Variants in LDHC observed in about 807,000 individuals in gnomAD.
LDHC encodes lactate dehydrogenase C.
In LDHC, 20 loss-of-function variants were observed where a neutral mutation model predicts 30.2. The ratio of observed to expected loss-of-function variants is 0.66; its 90% CI spans 0.47 to 0.96. The LOEUF (loss-of-function observed/expected upper bound fraction) is 0.96. Among genes scored for constraint, LDHC ranks in the 40% least tolerant of loss-of-function variants. LDHC has a pLI of 0.00. For synonymous variants in LDHC, 139 were observed against 132.7 expected, an observed-to-expected ratio of 1.05 and a Z score of -0.32; for missense variants, 362 against 394.9, an observed-to-expected ratio of 0.92 and a Z score of 0.71.
At chr11:18,419,440 C>T (rs1035125860) in intron 3 of LDHC, among the ~76,000 whole-genome samples, 1 of 152,150 alleles carries the variant, frequency 6.6e-6, no homozygotes, top group Non-Finnish European at 1.5e-5. Context: ...GGGAATATAC[C>T]TGCTAAGGAT....
chr11:18,444,172 A>G (rs1848511081), intron 6 of LDHC, among the ~76,000 whole-genome samples: 1 of 152,064 alleles, frequency 6.6e-6, no homozygotes, highest in Admixed American at 6.5e-5. Context: ...TATTTCTTCT[A>G]TTTGCTCCCT....
At chr11:18,422,957 G>A (rs917851274) in intron 3 of LDHC, among the ~76,000 whole-genome samples, 3 of 151,444 alleles carry the variant, frequency 2.0e-5, no homozygotes, top group Non-Finnish European at 4.4e-5. Flanking sequence ...ACTCCAGCCT[G>A]GGTGACATGT....
chr11:18,412,988 T>TACC (rs747717222), intron 2 of LDHC, 145 bp downstream of exon 2: 2 of 212,352 alleles, frequency 9.4e-6, no homozygotes, highest in Non-Finnish European at 1.6e-5. Flanking sequence ...CCTCCCTCCC[T>TACC]TCCTTCCTTC....
At chr11:18,428,699 A>T (rs902279474) in intron 3 of LDHC, among the ~76,000 whole-genome samples, 1 of 151,676 alleles carries the variant, frequency 6.6e-6, no homozygotes, top group Non-Finnish European at 1.5e-5. Flanking sequence ...ACATGGTGAA[A>T]CCCCGTCTCT....
chr11:18,412,803 G>T lies in LDHC; in HGVS notation c.86G>T (p.Gly29Val). Residue 29 changes from glycine (G) to valine (V), a missense_variant, in exon 2 of 8, where the codon GGT (glycine) becomes GTT (valine). Transcript: ENST00000541669. ...TGTAAAATTACTATTGTTGGAACTGGTGCCGTAGGCATGGCTTGTGCTATT... is the reference window on the plus strand; with the variant it reads ...TGTAAAATTACTATTGTTGGAACTGTTGCCGTAGGCATGGCTTGTGCTATT... ...SQCKITIVGT[G>V]AVGMACAISI... is the part of the protein sequence containing the mutation. The T allele has an allele frequency of 6.2e-7, 1 of 1,614,034 alleles. No homozygotes were observed. Among genetic ancestry groups the T allele is most frequent in the Non-Finnish European group, 8.5e-7 (1 of 1,179,908 alleles).
At chr11:18,422,259 G>C (rs919228601) in intron 3 of LDHC, among the ~76,000 whole-genome samples, 20 of 89,752 alleles carry the variant, frequency 2.2e-4, no homozygotes, top group Non-Finnish European at 1.9e-4. Context: ...GACAAAGTTA[G>C]TAATCAGAAA....
chr11:18,446,263 C>T lies in LDHC; in HGVS notation c.764C>T (p.Ser255Phe), dbSNP rs1416158656. The change falls in exon 7 of 8, where the codon TCT (serine) becomes TTT (phenylalanine). Residue 255 changes from serine (S) to phenylalanine (F), a missense_variant. By Grantham distance (155) the Ser-to-Phe change is radical (BLOSUM62 -2). Transcript: ENST00000541669. ...KGYTSWAIGL[S>F]VMDLVGSILK... ...TATACCTCTTGGGCTATTGGACTGT[C>T]TGTGATGGATTTGGTAGGATCCATT... 6.3e-7 allele frequency: 1 copy of T among 1,598,898 alleles called. No homozygotes were observed. Among genetic ancestry groups the T allele is most frequent in the Non-Finnish European group, 8.6e-7 (1 of 1,166,460 alleles).
intron 2 of LDHC, among the ~76,000 whole-genome samples, chr11:18,414,733 C>A (rs1866974850): frequency 6.6e-6 from 1 of 152,110 alleles, no homozygotes; most frequent in Non-Finnish European, 1.5e-5. Flanking sequence ...GAGGCTGAAG[C>A]ACGAAAATTG....
intron 5 of LDHC, among the ~76,000 whole-genome samples, chr11:18,438,189 T>C (rs1226249424): frequency 2.0e-5 from 3 of 152,182 alleles, no homozygotes; most frequent in Admixed American, 1.3e-4. Context: ...CTTGCAATCA[T>C]GGCAGAAGGC....
At chr11:18,434,583 G>A (rs557360729) in intron 4 of LDHC, among the ~76,000 whole-genome samples, 157 bp from the exon 5 acceptor site, 7 of 152,226 alleles carry the variant, frequency 4.6e-5, no homozygotes, top group Admixed American at 6.5e-5. Flanking sequence ...AGTGCCAGGG[G>A]ATAACAGGCG....
chr11:18,432,772 G>A (rs1295131338), intron 4 of LDHC, among the ~76,000 whole-genome samples: 1 of 152,154 alleles, frequency 6.6e-6, no homozygotes, highest in Non-Finnish European at 1.5e-5. Context: ...TCTGATATGA[G>A]AGTATCTACC....
In LDHC at chr11:18,434,881, G is replaced by T. The variant is rs1848330896; in HGVS notation, c.560G>T (p.Gly187Val). 6.2e-7 allele frequency: 1 copy of T among 1,613,228 alleles called. No individual in the cohort carries two copies. ...GGTGTCCACCCCACAAGCTGCCATG[G>T]TTGGATTATTGGAGAACATGGTGAT... ...KLGVHPTSCH[G>V]WIIGEHGDSS... is the part of the protein sequence containing the mutation. The change falls in exon 5 of 8, where the codon GGT becomes GTT. Residue 187 changes from glycine to valine, a missense_variant. Physicochemically the swap from Gly to Val is moderately radical, Grantham distance 109. Coordinates refer to ENST00000541669, the MANE Select transcript of LDHC (RefSeq NM_017448.5).
At chr11:18,435,166 CT>C (rs1023021885) in intron 5 of LDHC, among the ~76,000 whole-genome samples, 2 of 151,958 alleles carry the variant, frequency 1.3e-5, no homozygotes, top group African/African-American at 4.8e-5. Flanking sequence ...ATCTGTAATA[CT>C]TTTTTATTTA....
At chr11:18,432,922 T>C (rs1848293806) in intron 4 of LDHC, among the ~76,000 whole-genome samples, 1 of 152,238 alleles carries the variant, frequency 6.6e-6, no homozygotes. Context: ...TCTTTATCTT[T>C]TAAGTGGAGC....
In LDHC at chr11:18,439,823, A is replaced by AC. The variant is rs1447001604; in HGVS notation, c.710+1178_710+1179insC. On this transcript the variant is annotated intron_variant, in intron 6 of 7. Transcript: ENST00000541669. ...AAACCGTCTCTACTAAAAAAAAAAA[A>AC]AAAAAAAAAAAAACAAAAATTAGCC... 5.2e-3 allele frequency among the ~76,000 whole-genome samples: 747 copies of AC among 143,738 alleles called. 10 individuals carry two copies. The highest frequency in any genetic ancestry group is 0.016 in the African/African-American group (625 of 38,942). 94.3% of individuals were successfully genotyped at this position (143,738 alleles called of 152,430 possible).
intron 3 of LDHC, 79 bp downstream of exon 3, chr11:18,415,380 A>G (rs1590222315): frequency 2.7e-6 from 2 of 744,112 alleles, no homozygotes; most frequent in Non-Finnish European, 4.5e-6. Context: ...GTCAATAAAT[A>G]TAAAATTAAA....
intron 3 of LDHC, among the ~76,000 whole-genome samples, chr11:18,424,981 C>T (rs2134053803): frequency 6.6e-6 from 1 of 152,270 alleles, no homozygotes. Context: ...GTACTCCAGC[C>T]TGGGTGATAG....
chr11:18,437,835 C>A (rs758257476), intron 5 of LDHC, among the ~76,000 whole-genome samples: 1 of 151,614 alleles, frequency 6.6e-6, no homozygotes, highest in Non-Finnish European at 1.5e-5. Context: ...GAGGCCAACG[C>A]GTGTGGATCA....
chr11:18,437,234 T>C (rs1848370477), intron 5 of LDHC, among the ~76,000 whole-genome samples: 1 of 152,226 alleles, frequency 6.6e-6, no homozygotes, highest in South Asian at 2.1e-4. Flanking sequence ...ATCTTTCTTA[T>C]CAGTCTTTTT....
Sources: allele counts gnomAD v4.1 joint callset (sites outside exome capture counted in the v4.1 genomes callset), GRCh38; gene constraint gnomAD v4.1.1; transcripts MANE v1.5; gene names NCBI Gene and HGNC (gene_info 2026-07-23, HGNC 2026-07-21).